FAM204A: variants seen among roughly 807,000 people sequenced by gnomAD.
The protein encoded by FAM204A is protein FAM204A.
A neutral mutation model predicts 35.4 loss-of-function variants in FAM204A; 16 were observed. The observed-to-expected ratio is 0.45, with a 90% CI of 0.31 to 0.69. The LOEUF is 0.69. FAM204A is among the 30% of genes least tolerant of loss of function. FAM204A has a pLI of 0.07. For missense variants in FAM204A, 240 were observed against 265.7 expected, an observed-to-expected ratio of 0.90 and a Z score of 0.67; for synonymous variants, 76 against 86.9, an observed-to-expected ratio of 0.88 and a Z score of 0.70.
At chr10:118,312,802 C>T (rs2133265347) in intron 7 of FAM204A, among the ~76,000 whole-genome samples, 1 of 152,256 alleles carries the variant, frequency 6.6e-6, no homozygotes, top group Admixed American at 6.5e-5. Flanking sequence ...ATTCATTCAA[C>T]AAATTTTACA....
chr10:118,336,440 T>A lies in FAM204A; in HGVS notation c.-8-17A>T. The A allele has an allele frequency of 1.3e-6, 2 of 1,589,026 alleles. No homozygotes were observed. Among genetic ancestry groups the A allele is most frequent in the Non-Finnish European group, 1.7e-6 (2 of 1,168,586 alleles). On this transcript the variant is annotated splice_polypyrimidine_tract_variant and intron_variant, in intron 2 of 8. Transcript: ENST00000369183. ...TCTTTTCTTCTATGAGGAAAAAGAT[T>A]AATTTACACATGTAGAATAACCATA...
chr10:118,305,295 AT>A lies in FAM204A; in HGVS notation c.*5561del, dbSNP rs1221700345. The A allele has an allele frequency of 6.6e-6, 1 of 152,220 alleles. No individual in the cohort carries two copies. Among genetic ancestry groups the A allele is most frequent in the Non-Finnish European group, 1.5e-5 (1 of 68,048 alleles). The allele number at this position is 152,220 out of a possible 1,614,324, so 9.4% of individuals were successfully genotyped here. Reference sequence around the variant, plus strand: ...TAGTAGTAGGAAGCATTACCCTAACATGGGAAGGTACTGTGGCCCACCCAAG... The same window carrying A: ...TAGTAGTAGGAAGCATTACCCTAACAGGGAAGGTACTGTGGCCCACCCAAG... On this transcript the variant is annotated 3_prime_UTR_variant, in exon 9 of 9. Coordinates refer to ENST00000369183, the MANE Select transcript of FAM204A (RefSeq NM_022063.3).
In FAM204A at chr10:118,307,369, C is replaced by G. The variant is rs1373333666; in HGVS notation, c.*3488G>C. ...TGTAAATTTTAAGCCAATGAATAAACAGTTGGCAGGAAAAAATATTGAACT... is the reference window on the plus strand; with the variant it reads ...TGTAAATTTTAAGCCAATGAATAAAGAGTTGGCAGGAAAAAATATTGAACT... On this transcript the variant is annotated 3_prime_UTR_variant, in exon 9 of 9. Transcript: ENST00000369183. The G allele has an allele frequency of 6.6e-6, 1 of 152,200 alleles. No individual in the cohort carries two copies. The highest frequency in any genetic ancestry group is 2.4e-5 in the African/African-American group (1 of 41,450). 9.4% of individuals were successfully genotyped at this position (152,200 alleles called of 1,614,324 possible).
intron 7 of FAM204A, among the ~76,000 whole-genome samples, chr10:118,320,702 C>A (rs1477412308): frequency 6.6e-6 from 1 of 151,914 alleles, no homozygotes; most frequent in Non-Finnish European, 1.5e-5. Flanking sequence ...CATTACATGA[C>A]AAAACCAAAG....
Position 118,338,998 on chromosome 10 carries a change from G to T in FAM204A, c.-8-2575C>A, listed in dbSNP as rs78788777. Among the ~76,000 whole-genome samples, 100 of 152,206 alleles carry T rather than the reference G, an allele frequency of 6.6e-4. No homozygotes were observed. In the East Asian group the frequency reaches 0.019, roughly 28 times the overall value. On this transcript the variant is annotated intron_variant, in intron 2 of 8. Transcript: ENST00000369183. Reference sequence around the variant, plus strand: ...CTGTCCTCAGTGTGGCATCTGCCTGGTATGATAATTTCTTGAGTGTACCCA... The same window carrying T: ...CTGTCCTCAGTGTGGCATCTGCCTGTTATGATAATTTCTTGAGTGTACCCA...
At chr10:118,326,127 A>G in intron 7 of FAM204A, 27 bp downstream of exon 7, 1 of 1,564,158 alleles carries the variant, frequency 6.4e-7, no homozygotes, top group Non-Finnish European at 8.7e-7. Context: ...TTGAAAATAC[A>G]GAAAATGTGT....
rs1845870818 is a variant in FAM204A at position 118,306,773 on chromosome 10, C to CTTT, written c.*4083_*4084insAAA. On this transcript the variant is annotated 3_prime_UTR_variant, in exon 9 of 9. Coordinates refer to ENST00000369183, the MANE Select transcript of FAM204A (RefSeq NM_022063.3). Reference sequence around the variant, plus strand: ...ATGGTTCAATGCCTTTCCAGGTTTCCTCGTGGCAATCTCCATTGGCCACAT... The same window carrying CTTT: ...ATGGTTCAATGCCTTTCCAGGTTTCCTTTTCGTGGCAATCTCCATTGGCCACAT... 6.6e-6 allele frequency: 1 copy of CTTT among 152,222 alleles called. No individual in the cohort carries two copies. Among genetic ancestry groups the CTTT allele is most frequent in the Non-Finnish European group, 1.5e-5 (1 of 68,044 alleles). The allele number at this position is 152,222 out of a possible 1,614,324, so 9.4% of individuals were successfully genotyped here. A position where few individuals can be genotyped will look rare whatever the true frequency, so the allele number is the denominator to read the frequency against.
Position 118,336,097 on chromosome 10 carries a change from C to T in FAM204A, c.234+85G>A, listed in dbSNP as rs539420843. 110 of 1,466,732 alleles carry T rather than the reference C, an allele frequency of 7.5e-5. 3 individuals carry two copies. The South Asian group carries it at 1.3e-3, about 18-fold the overall frequency. 90.9% of individuals were successfully genotyped at this position (1,466,732 alleles called of 1,614,324 possible). On this transcript the variant is annotated intron_variant, in intron 3 of 8. Coordinates refer to ENST00000369183, the MANE Select transcript of FAM204A (RefSeq NM_022063.3). Reference sequence around the variant, plus strand: ...CCCTCCCTGTTAAGTCCCAAGAATACATGCACATTCTGACCAGGGCAGAGA... The same window carrying T: ...CCCTCCCTGTTAAGTCCCAAGAATATATGCACATTCTGACCAGGGCAGAGA...
At chr10:118,332,638 A>G (rs911057168) in intron 6 of FAM204A, among the ~76,000 whole-genome samples, 2 of 152,124 alleles carry the variant, frequency 1.3e-5, no homozygotes, top group Non-Finnish European at 2.9e-5. Context: ...TGTTTGGAAA[A>G]AGCACTCTGC....
chr10:118,328,019 G>A (rs543663018), intron 6 of FAM204A, among the ~76,000 whole-genome samples: 1 of 152,120 alleles, frequency 6.6e-6, no homozygotes, highest in Non-Finnish European at 1.5e-5. Flanking sequence ...GGTAGTCGGG[G>A]ACAAGAATTT....
At chr10:118,339,427 T>C (rs1015928051) in intron 2 of FAM204A, among the ~76,000 whole-genome samples, 2 of 152,228 alleles carry the variant, frequency 1.3e-5, no homozygotes, top group Non-Finnish European at 2.9e-5. Flanking sequence ...TGGAGAATGA[T>C]TCTCTATAAG....
At chr10:118,319,507 A>G (rs577053552) in intron 7 of FAM204A, among the ~76,000 whole-genome samples, 2 of 152,106 alleles carry the variant, frequency 1.3e-5, no homozygotes, top group African/African-American at 4.8e-5. Flanking sequence ...TACAACACTT[A>G]CATCTATAAA....
chr10:118,340,950 G>T (rs1453296996), intron 2 of FAM204A, among the ~76,000 whole-genome samples: 4 of 152,182 alleles, frequency 2.6e-5, no homozygotes, highest in African/African-American at 7.2e-5. Flanking sequence ...GTTGTAAGCG[G>T]GGACAAGGAT....
chr10:118,325,084 T>C (rs1846177042), intron 7 of FAM204A, among the ~76,000 whole-genome samples: 1 of 151,854 alleles, frequency 6.6e-6, no homozygotes, highest in Non-Finnish European at 1.5e-5. Context: ...AAGAAAAAAA[T>C]ATAATTTCTG....
chr10:118,341,334 T>C (rs187525138), intron 2 of FAM204A, among the ~76,000 whole-genome samples: 3 of 152,376 alleles, frequency 2.0e-5, no homozygotes, highest in African/African-American at 7.2e-5. Flanking sequence ...ATTTCACTTG[T>C]ATACTAATTA....
intron 4 of FAM204A, 36 bp from the exon 5 acceptor site, chr10:118,335,462 C>T: frequency 1.3e-6 from 2 of 1,596,064 alleles, no homozygotes; most frequent in Middle Eastern, 1.7e-4. Context: ...TACCTAACTT[C>T]AGTAATTTCA....
intron 2 of FAM204A, among the ~76,000 whole-genome samples, chr10:118,339,524 A>C (rs1846440557): frequency 1.3e-5 from 2 of 152,194 alleles, no homozygotes; most frequent in Non-Finnish European, 2.9e-5. Flanking sequence ...AAATTCACTC[A>C]GCCTGTCTCC....
intron 7 of FAM204A, among the ~76,000 whole-genome samples, chr10:118,315,374 T>C (rs1284247436): frequency 6.6e-6 from 1 of 152,192 alleles, no homozygotes; most frequent in Non-Finnish European, 1.5e-5. Flanking sequence ...AAATTTCTTA[T>C]CCGTTTCAGA....
chr10:118,336,074 C>T, intron 3 of FAM204A, 108 bp downstream of exon 3: 1 of 1,282,216 alleles, frequency 7.8e-7, no homozygotes, highest in Middle Eastern at 2.8e-4. Context: ...GTCCATCTCC[C>T]TCCCTGTTAA....
Sources: allele counts gnomAD v4.1 joint callset (sites outside exome capture counted in the v4.1 genomes callset), GRCh38; gene constraint gnomAD v4.1.1; transcripts MANE v1.5; gene names NCBI Gene and HGNC (gene_info 2026-07-23, HGNC 2026-07-21).